The following ARHGAP15 variants were observed in gnomAD, a reference collection of about 807,000 sequenced individuals.
The protein encoded by ARHGAP15 is rho GTPase-activating protein 15.
In ARHGAP15, 51 loss-of-function variants were observed where a neutral mutation model predicts 63.7. The observed-to-expected ratio is 0.80, with a 90% CI of 0.64 to 1.01. The LOEUF is 1.01. Among genes scored for constraint, ARHGAP15 ranks in the 50% least tolerant of loss-of-function variants. ARHGAP15 has a pLI of 0.00. For missense variants in ARHGAP15, 560 were observed against 564.6 expected (o/e 0.99, Z 0.08); for synonymous variants, 191 against 193.8 (o/e 0.99, Z 0.12).
intron 6 of ARHGAP15, among the ~76,000 whole-genome samples, chr2:143,291,251 T>C (rs1185531628): frequency 2.0e-5 from 3 of 152,172 alleles, no homozygotes; most frequent in African/African-American, 7.2e-5. Context: ...ACAGTTTGAA[T>C]GGTATTCGAT....
chr2:143,486,661 T>G (rs545341157), intron 8 of ARHGAP15, among the ~76,000 whole-genome samples: 1 of 152,308 alleles, frequency 6.6e-6, no homozygotes, highest in East Asian at 1.9e-4. Context: ...CATCCCCGAA[T>G]TCACAGCCTT....
At chr2:143,539,334 CT>C (rs1156259643) in intron 10 of ARHGAP15, among the ~76,000 whole-genome samples, 1 of 140,972 alleles carries the variant, frequency 7.1e-6, no homozygotes, top group Non-Finnish European at 1.5e-5. Context: ...AAACCAGCTC[CT>C]GGATTCATTG....
At chr2:143,762,367 C>G (rs1686790727) in intron 13 of ARHGAP15, among the ~76,000 whole-genome samples, 1 of 152,072 alleles carries the variant, frequency 6.6e-6, no homozygotes, top group Non-Finnish European at 1.5e-5. Context: ...GAGTTTCTTT[C>G]ATTTCTTTGC....
intron 6 of ARHGAP15, among the ~76,000 whole-genome samples, chr2:143,390,729 ATG>A (rs1208043193): frequency 2.4e-5 from 1 of 41,682 alleles, no homozygotes; most frequent in African/African-American, 7.2e-5. Flanking sequence ...TGGAAAACAC[ATG>A]CACACACACA....
At chr2:143,562,427 G>GCC (rs1373560290) in intron 11 of ARHGAP15, among the ~76,000 whole-genome samples, 1 of 152,064 alleles carries the variant, frequency 6.6e-6, no homozygotes, top group Non-Finnish European at 1.5e-5. Flanking sequence ...AGTTTATATT[G>GCC]CCCTCTTATT....
At chr2:143,702,293 T>C (rs1246767990) in intron 12 of ARHGAP15, among the ~76,000 whole-genome samples, 1 of 152,126 alleles carries the variant, frequency 6.6e-6, no homozygotes, top group African/African-American at 2.4e-5. Flanking sequence ...ACTAAGTAAA[T>C]CAATTTTTAC....
intron 11 of ARHGAP15, among the ~76,000 whole-genome samples, chr2:143,598,173 A>T (rs1420661930): frequency 6.6e-6 from 1 of 152,156 alleles, no homozygotes; most frequent in Non-Finnish European, 1.5e-5. Flanking sequence ...TTATCCCAGC[A>T]GGAGTGTCTG....
intron 12 of ARHGAP15, among the ~76,000 whole-genome samples, chr2:143,653,873 T>C (rs138792055): frequency 2.5e-4 from 38 of 152,324 alleles, no homozygotes; most frequent in African/African-American, 8.4e-4. Context: ...TACTGTGTTA[T>C]GAATGAATTA....
chr2:143,578,687 A>G (rs141992164), intron 11 of ARHGAP15, among the ~76,000 whole-genome samples: 2,118 of 152,308 alleles, frequency 0.014, 53 homozygotes, highest in African/African-American at 0.048. Flanking sequence ...TGTATCAGGG[A>G]CACATGACAA....
intron 6 of ARHGAP15, among the ~76,000 whole-genome samples, chr2:143,335,584 A>T: frequency 6.6e-6 from 1 of 152,218 alleles, no homozygotes; most frequent in East Asian, 1.9e-4. Flanking sequence ...GTTAAAACTT[A>T]TTGGAACTCT....
intron 6 of ARHGAP15, among the ~76,000 whole-genome samples, chr2:143,324,977 A>G (rs966789979): frequency 6.6e-6 from 1 of 152,184 alleles, no homozygotes; most frequent in African/African-American, 2.4e-5. Flanking sequence ...ATTCTCTAGC[A>G]TGTGCACAAT....
intron 2 of ARHGAP15, among the ~76,000 whole-genome samples, chr2:143,188,441 T>C (rs1691532792): frequency 6.6e-6 from 1 of 151,838 alleles, no homozygotes; most frequent in Non-Finnish European, 1.5e-5. Context: ...AAACACTGAA[T>C]TATTAAATAA....
rs1558871718 is a variant in ARHGAP15 at position 143,293,477 on chromosome 2, CTT to C, written c.474+42878_474+42879del. Among the ~76,000 whole-genome samples, 3 of 152,068 alleles carry C rather than the reference CTT, an allele frequency of 2.0e-5. No homozygotes were observed. In the South Asian group the frequency reaches 6.2e-4, roughly 31 times the overall value. On this transcript the variant is annotated intron_variant, in intron 6 of 13. Transcript: ENST00000295095. The stretch of plus-strand genomic sequence containing the variant: ...TGGTCTGCACATCTCCATTTATATT[CTT>C]GTCTTGAGACCCACTGATTGTTAAA...
intron 6 of ARHGAP15, among the ~76,000 whole-genome samples, chr2:143,280,820 C>T (rs1240544844): frequency 1.3e-5 from 2 of 151,994 alleles, no homozygotes; most frequent in Non-Finnish European, 2.9e-5. Flanking sequence ...TAACTACCAC[C>T]CTCATTCCAC....
chr2:143,614,262 G>C (rs934036614), intron 11 of ARHGAP15, among the ~76,000 whole-genome samples: 3 of 152,100 alleles, frequency 2.0e-5, no homozygotes, highest in African/African-American at 7.2e-5. Flanking sequence ...TCTGCAAGAA[G>C]TTATATAATA....
chr2:143,734,727 T>C (rs1471959620), intron 13 of ARHGAP15, among the ~76,000 whole-genome samples: 1 of 152,226 alleles, frequency 6.6e-6, no homozygotes, highest in African/African-American at 2.4e-5. Context: ...GCGCTGATGA[T>C]AAAGGTCCTA....
intron 12 of ARHGAP15, among the ~76,000 whole-genome samples, chr2:143,691,396 A>G (rs1683594805): frequency 6.6e-6 from 1 of 152,122 alleles, no homozygotes; most frequent in Non-Finnish European, 1.5e-5. Flanking sequence ...GGCTAAGCAA[A>G]AGCACTTCTC....
chr2:143,265,595 T>C (rs1181160522), intron 6 of ARHGAP15, among the ~76,000 whole-genome samples: 1 of 152,190 alleles, frequency 6.6e-6, no homozygotes, highest in Non-Finnish European at 1.5e-5. Flanking sequence ...GAATTAAGTA[T>C]TCCAATAATT....
At chr2:143,682,535 CAGAT>C (rs1007551807) in intron 12 of ARHGAP15, 1 of 152,034 alleles carries the variant, frequency 6.6e-6, no homozygotes, top group African/African-American at 2.4e-5. Context: ...CACACATGCA[CAGAT>C]ATATATATAT....
Sources: allele counts gnomAD v4.1 joint callset (sites outside exome capture counted in the v4.1 genomes callset), GRCh38; gene constraint gnomAD v4.1.1; transcripts MANE v1.5; gene names NCBI Gene and HGNC (gene_info 2026-07-23, HGNC 2026-07-21).